Variants in TUSC3 observed in about 807,000 individuals in gnomAD.
TUSC3 encodes tumor suppressor candidate 3.
Under a neutral mutation model 44.8 loss-of-function variants are expected in TUSC3, and 45 were observed. That is an observed-to-expected ratio of 1.00 (90% CI 0.79 to 1.29). The LOEUF (loss-of-function observed/expected upper bound fraction) is 1.29, where lower values mean the gene tolerates loss of function less well. TUSC3 is among the 50% of genes most tolerant of loss of function. The pLI is 0.00. For synonymous variants in TUSC3, 212 were observed against 152.9 expected (o/e 1.39, Z -2.85); for missense variants, 519 against 437.9 (o/e 1.19, Z -1.65).
At chr8:15,801,014 TC>T in the TUSC3 span, among the ~76,000 whole-genome samples, 1 of 152,080 alleles carries the variant, frequency 6.6e-6, no homozygotes, top group Admixed American at 6.6e-5. Flanking sequence ...CCGATCCAGA[TC>T]CCCAGAGAGG....
rs1248628837 is a variant in TUSC3 at position 15,573,222 on chromosome 8, A to C, written c.138+32654A>C. Among the ~76,000 whole-genome samples the C allele has an allele frequency of 2.8e-3, 390 of 139,618 alleles. 5 individuals are homozygous for C. Among genetic ancestry groups the C allele is most frequent in the African/African-American group, 0.01 (374 of 36,226 alleles). The allele number at this position is 139,618 out of a possible 152,430, so 91.6% of individuals were successfully genotyped here. On this transcript the variant is annotated intron_variant, in intron 1 of 10. Coordinates refer to ENST00000503731, the MANE Select transcript of TUSC3 (RefSeq NM_006765.4). ...TCTCTCTATATATATATATATATAT[A>C]TATATATAAAAGTTTTTTTTTTTTT... is the stretch of plus-strand genomic sequence containing the variant.
Position 15,540,312 on chromosome 8 carries a change from G to T in TUSC3, c.-119G>T. The T allele has an allele frequency of 7.5e-7, 1 of 1,327,792 alleles. No homozygotes were observed. Among genetic ancestry groups the T allele is most frequent in the Non-Finnish European group, 9.7e-7 (1 of 1,032,148 alleles). The allele number at this position is 1,327,792 out of a possible 1,614,324, so 82.3% of individuals were successfully genotyped here. On this transcript the variant is annotated 5_prime_UTR_variant, in exon 1 of 11. Coordinates refer to ENST00000503731, the MANE Select transcript of TUSC3 (RefSeq NM_006765.4). ...CGCGGCCCGGGTCCCTCGCAAAGCC[G>T]CTGCCATCCCGGAGGGCCCAGCCAG... is the stretch of plus-strand genomic sequence containing the variant.
At chr8:15,819,586 T>A in the TUSC3 span, among the ~76,000 whole-genome samples, 1 of 152,234 alleles carries the variant, frequency 6.6e-6, no homozygotes, top group Non-Finnish European at 1.5e-5. Flanking sequence ...GTTTTCATAC[T>A]AGCAAATAAT....
intron 6 of TUSC3, among the ~76,000 whole-genome samples, chr8:15,674,787 T>C (rs979666866): frequency 6.6e-6 from 1 of 152,098 alleles, no homozygotes; most frequent in Non-Finnish European, 1.5e-5. Context: ...TATTTATATG[T>C]TTTTAAAATC....
chr8:15,543,614 T>C (rs1454907818), intron 1 of TUSC3, among the ~76,000 whole-genome samples: 2 of 152,112 alleles, frequency 1.3e-5, no homozygotes, highest in Non-Finnish European at 2.9e-5. Context: ...GTATATAAAA[T>C]GCTTAGTGCA....
At chr8:15,843,609 T>C in the TUSC3 span, among the ~76,000 whole-genome samples, 2 of 126,246 alleles carry the variant, frequency 1.6e-5, no homozygotes, top group Middle Eastern at 4.7e-3. Context: ...TATATATATA[T>C]ATATATATAT....
intron 1 of TUSC3, among the ~76,000 whole-genome samples, chr8:15,604,794 C>T (rs1804448024): frequency 7.1e-6 from 1 of 141,220 alleles, no homozygotes; most frequent in African/African-American, 2.8e-5. Context: ...ACTTAATAGC[C>T]CTACATTTTT....
intron 6 of TUSC3, among the ~76,000 whole-genome samples, chr8:15,723,006 A>T (rs1316049283): frequency 6.6e-6 from 1 of 152,130 alleles, no homozygotes; most frequent in African/African-American, 2.4e-5. Context: ...TCGTCCTACC[A>T]CAGACCTATT....
the TUSC3 span, among the ~76,000 whole-genome samples, chr8:15,780,157 G>A: frequency 1.5e-4 from 23 of 152,266 alleles, 1 homozygote; most frequent in Middle Eastern, 3.4e-3. Flanking sequence ...ATGTTCATGA[G>A]TCAGTTCCCT....
the TUSC3 span, among the ~76,000 whole-genome samples, chr8:15,790,137 G>C: frequency 3.0e-3 from 440 of 149,092 alleles, 2 homozygotes; most frequent in African/African-American, 9.8e-3. Flanking sequence ...CCTGGTTGTT[G>C]CCATGAATAA....
At chr8:15,454,033 C>G (rs1800225471) in intron 1 of TUSC3, among the ~76,000 whole-genome samples, 1 of 152,094 alleles carries the variant, frequency 6.6e-6, no homozygotes, top group African/African-American at 2.4e-5. Flanking sequence ...GGGAGGAATG[C>G]CTCAAATTAG....
At chr8:15,468,903 A>G (rs190338575) in intron 1 of TUSC3, among the ~76,000 whole-genome samples, 1 of 151,768 alleles carries the variant, frequency 6.6e-6, no homozygotes, top group African/African-American at 2.4e-5. Flanking sequence ...CTGAGTTAAG[A>G]GTGCAGACAG....
At position 15,609,086 on chromosome 8, in the gene TUSC3, C is replaced by T. The variant is rs17121707; in HGVS notation, c.139-13994C>T. 4.3e-3 allele frequency among the ~76,000 whole-genome samples: 658 copies of T among 152,174 alleles called. 6 individuals carry two copies. The highest frequency in any genetic ancestry group is 0.015 in the African/African-American group (630 of 41,530). On this transcript the variant is annotated intron_variant, in intron 1 of 10. Coordinates refer to ENST00000503731, the MANE Select transcript of TUSC3 (RefSeq NM_006765.4). ...TCTATTGAATTTTTCTTTGTTTTGACGATGTAAGCGTTACATATTTTAGTG... is the reference window on the plus strand; with the variant it reads ...TCTATTGAATTTTTCTTTGTTTTGATGATGTAAGCGTTACATATTTTAGTG...
intron 1 of TUSC3, among the ~76,000 whole-genome samples, chr8:15,599,690 T>C (rs538277399): frequency 2.0e-5 from 3 of 148,794 alleles, no homozygotes; most frequent in African/African-American, 7.4e-5. Context: ...TGCTCCGTTA[T>C]ATTGCTTGTG....
At chr8:15,748,525 T>G (rs1282439224) in intron 9 of TUSC3, 60 bp downstream of exon 9, 84 of 1,370,254 alleles carry the variant, frequency 6.1e-5, no homozygotes, top group Non-Finnish European at 8.2e-5. Context: ...AGAGTTTCAG[T>G]GGTTAATATA....
chr8:15,429,242 C>A (rs1285336832), intron 1 of TUSC3, among the ~76,000 whole-genome samples: 1 of 152,176 alleles, frequency 6.6e-6, no homozygotes, highest in Non-Finnish European at 1.5e-5. Flanking sequence ...TTCCCCATTT[C>A]TTCTTTTTGT....
chr8:15,454,793 G>A lies in TUSC3; in HGVS notation n.92-28593G>A, dbSNP rs76328330. Among the ~76,000 whole-genome samples the A allele has an allele frequency of 8.8e-3, 1,342 of 152,166 alleles. 23 individuals carry two copies. The highest frequency in any genetic ancestry group is 0.031 in the African/African-American group (1,274 of 41,508). On this transcript the variant is annotated intron_variant and non_coding_transcript_variant, in intron 1 of 5. Transcript: ENST00000503191. ...GGAAGCTTATATAGTAAACTTGCTGGGATATGATTTAATCAATGATTTATA... is the reference window on the plus strand; with the variant it reads ...GGAAGCTTATATAGTAAACTTGCTGAGATATGATTTAATCAATGATTTATA...
chr8:15,672,196 A>G (rs576856958), intron 5 of TUSC3, among the ~76,000 whole-genome samples: 2 of 152,120 alleles, frequency 1.3e-5, no homozygotes, highest in African/African-American at 4.8e-5. Flanking sequence ...TTTAAGGAGT[A>G]TGGGAGCAAA....
chr8:15,771,934 A>T, the TUSC3 span, among the ~76,000 whole-genome samples: 1 of 151,956 alleles, frequency 6.6e-6, no homozygotes, highest in East Asian at 1.9e-4. Flanking sequence ...TAAAAAATAC[A>T]AAAAATTAGC....
Sources: allele counts gnomAD v4.1 joint callset (sites outside exome capture counted in the v4.1 genomes callset), GRCh38; gene constraint gnomAD v4.1.1; transcripts MANE v1.5; gene names NCBI Gene and HGNC (gene_info 2026-07-23, HGNC 2026-07-21).